PLCG1: variants seen among roughly 807,000 people sequenced by gnomAD.
The protein encoded by PLCG1 is 1-phosphatidylinositol 4,5-bisphosphate phosphodiesterase gamma-1.
PLCG1 carries 71 observed loss-of-function variants against 177.8 expected under a neutral mutation model. That is an observed-to-expected ratio of 0.40 (90% CI 0.33 to 0.49). PLCG1 has a LOEUF of 0.49. Among genes scored for constraint, PLCG1 ranks in the 20% least tolerant of loss-of-function variants. The probability of loss-of-function intolerance (pLI) is 0.72; values close to 1 mark genes in which losing one functional copy is unlikely to be tolerated. For missense variants in PLCG1, 1,281 were observed against 1,709.0 expected (o/e 0.75, Z 4.42); for synonymous variants, 658 against 647.9 (o/e 1.02, Z -0.24).
chr20:41,171,778 G>A (rs1394303235), intron 24 of PLCG1, among the ~76,000 whole-genome samples: 1 of 152,060 alleles, frequency 6.6e-6, no homozygotes, highest in Non-Finnish European at 1.5e-5. Context: ...ACCAAGCCAG[G>A]GGCCTGTATC....
At position 41,167,035 on chromosome 20, in the gene PLCG1, G is replaced by A. The variant is rs1277140968; in HGVS notation, c.2301+176G>A. Among the ~76,000 whole-genome samples the A allele has an allele frequency of 6.6e-6, 1 of 152,198 alleles. No individual in the cohort carries two copies. ...TACCAGGAGGGTGTCTGCAGGAGGG[G>A]ACATCTGAGCAGCATCTTTAAGGAT... On this transcript the variant is annotated intron_variant, in intron 19 of 31. Transcript: ENST00000685551. The surrounding 1 kb of genome is among the most constrained non-coding windows in gnomAD (Gnocchi z 4.4).
In PLCG1 at chr20:41,170,265, C is replaced by T. The variant is rs747002949; in HGVS notation, c.2804C>T (p.Ala935Val). ...KIREVAQTAD[A>V]RLTEGKIMER... Reference sequence around the variant, plus strand: ...CGTGAAGTGGCCCAGACAGCAGACGCCAGGGTGAGATTCTGCTGGAACCTT... The same window carrying T: ...CGTGAAGTGGCCCAGACAGCAGACGTCAGGGTGAGATTCTGCTGGAACCTT... Residue 935 changes from alanine to valine, a missense_variant, in exon 24 of 32, where the codon GCC (alanine) becomes GTC (valine). Around this residue, in one of 4 missense-constraint regions of PLCG1, gnomAD observed 723 missense variants for 1,030.0 expected, o/e 0.70. Coordinates refer to ENST00000685551, the MANE Select transcript of PLCG1 (RefSeq NM_002660.3). 3.7e-6 allele frequency: 6 copies of T among 1,614,070 alleles called. No homozygotes were observed. The South Asian group carries it at 4.4e-5, about 12-fold the overall frequency.
rs912870448 is a variant in PLCG1 at position 41,148,568 on chromosome 20, A to C, written c.217+10710A>C. ...AGTGAGCAGGAACAGGTTATATAGC[A>C]GTGATGCTTTCATAGTATTTTTCTT... On this transcript the variant is annotated intron_variant, in intron 1 of 31. Coordinates refer to ENST00000685551, the MANE Select transcript of PLCG1 (RefSeq NM_002660.3). The surrounding 1 kb of genome is among the most constrained non-coding windows in gnomAD (Gnocchi z 4.3). 1.3e-5 allele frequency among the ~76,000 whole-genome samples: 2 copies of C among 152,142 alleles called. No homozygotes were observed. The highest frequency in any genetic ancestry group is 2.4e-5 in the African/African-American group (1 of 41,426).
At chr20:41,162,235 GTTTTTT>G (rs11426520) in intron 4 of PLCG1, 10 of 143,642 alleles carry the variant, frequency 7.0e-5, no homozygotes, top group South Asian at 2.4e-4. Context: ...TTTTGTTTTT[GTTTTTT>G]TTTTTTTTTT....
At position 41,169,572 on chromosome 20, in the gene PLCG1, ATTC is replaced by A. The variant is rs770101933; in HGVS notation, c.2650+52_2650+54del. ...CTTGCCCACTGTTCCCTAGGGTGAG[ATTC>A]TTCTTTGTATCTCTTTCCTGCTCCT... On this transcript the variant is annotated intron_variant, in intron 23 of 31. Transcript: ENST00000685551. 520 of 1,441,802 alleles carry A rather than the reference ATTC, an allele frequency of 3.6e-4. 1 individual carries two copies. The highest frequency in any genetic ancestry group is 4.9e-4 in the Non-Finnish European group (504 of 1,025,228). 89.3% of individuals were successfully genotyped at this position (1,441,802 alleles called of 1,614,324 possible).
In PLCG1 at chr20:41,165,471, G is replaced by A. The variant is rs2035651432; in HGVS notation, c.1531G>A (p.Val511Ile). Residue 511 changes from valine to isoleucine, a missense_variant, in exon 15 of 32, where the codon GTT becomes ATT. Around this residue, in one of 4 missense-constraint regions of PLCG1, gnomAD observed 723 missense variants for 1,030.0 expected, o/e 0.70. Transcript: ENST00000685551. This position sits in a 1 kb window ranked among gnomAD's most constrained non-coding sequence, Gnocchi z 6.6. ...CCAGGAATGGTATCCCCACTACTTT[G>A]TTCTGACCAGCAGCAAGATCTACTA... ...VNHEWYPHYF[V>I]LTSSKIYYSE... is the part of the protein sequence containing the mutation. 1.2e-6 allele frequency: 2 copies of A among 1,614,086 alleles called. No homozygotes were observed. The highest frequency in any genetic ancestry group is 1.7e-6 in the Non-Finnish European group (2 of 1,179,980).
Position 41,176,969 on chromosome 20 carries a change from G to A in PLCG1, c.*2460G>A, listed in dbSNP as rs886986719. 6.6e-5 allele frequency: 10 copies of A among 152,264 alleles called. No individual in the cohort carries two copies. Among genetic ancestry groups the A allele is most frequent in the African/African-American group, 2.4e-4 (10 of 41,470 alleles). 9.4% of individuals were successfully genotyped at this position (152,264 alleles called of 1,614,324 possible). ...TAACAGCACATTAGCACCACTTGGG[G>A]AGCTTCTGAAAAATACTGGTACCCG... On this transcript the variant is annotated 3_prime_UTR_variant, in exon 32 of 32. Transcript: ENST00000685551.
intron 1 of PLCG1, among the ~76,000 whole-genome samples, chr20:41,152,488 G>T (rs2035196364): frequency 6.6e-6 from 1 of 152,236 alleles, no homozygotes; most frequent in African/African-American, 2.4e-5. Context: ...TGCATTTTCA[G>T]TATTTGTTGT....
rs2036089756 is a variant in PLCG1 at position 41,177,258 on chromosome 20, A to T, written c.*2749A>T. On this transcript the variant is annotated 3_prime_UTR_variant, in exon 32 of 32. Transcript: ENST00000685551. The stretch of plus-strand genomic sequence containing the variant: ...CTTTCACTTTCAACAGCTTTGGCTC[A>T]GCAGACATGTACACATACAAAGTAG... The T allele has an allele frequency of 6.6e-6, 1 of 152,262 alleles. No homozygotes were observed. The highest frequency in any genetic ancestry group is 6.5e-5 in the Admixed American group (1 of 15,292). The allele number at this position is 152,262 out of a possible 1,614,324, so 9.4% of individuals were successfully genotyped here. A position where few individuals can be genotyped will look rare whatever the true frequency, so the allele number is the denominator to read the frequency against.
At position 41,165,023 on chromosome 20, in the gene PLCG1, A is replaced by C. The variant is rs772742309; in HGVS notation, c.1308A>C (p.Thr436=). 1.5e-5 allele frequency: 25 copies of C among 1,613,782 alleles called. No individual in the cohort carries two copies. Among genetic ancestry groups the C allele is most frequent in the Admixed American group, 6.7e-5 (4 of 59,976 alleles). The part of the protein sequence containing the change: ...AQYFKKVLGD[T]LLTKPVEISA... ...ACTTCAAGAAGGTGCTGGGGGACAC[A>C]CTCCTCACCAAGCCCGTGGAGATCT... is the stretch of plus-strand genomic sequence containing the variant. Residue 436 remains threonine (T), a synonymous_variant, in exon 13 of 32, where the codon ACA becomes ACC. Transcript: ENST00000685551. The surrounding 1 kb of genome is among the most constrained non-coding windows in gnomAD (Gnocchi z 6.6).
rs922594145 is a variant in PLCG1, at chr20:41,160,562, C to G, written c.512+409C>G. On this transcript the variant is annotated intron_variant, in intron 4 of 31. Coordinates refer to ENST00000685551, the MANE Select transcript of PLCG1 (RefSeq NM_002660.3). This position sits in a 1 kb window ranked among gnomAD's most constrained non-coding sequence, Gnocchi z 5.5. ...GTGGGTGCTGCACCATGGTGAGGTC[C>G]TTTGACCTGAAAGAAATGGGAAGCC... 1.3e-5 allele frequency among the ~76,000 whole-genome samples: 2 copies of G among 152,132 alleles called. No homozygotes were observed. The highest frequency in any genetic ancestry group is 2.9e-5 in the Non-Finnish European group (2 of 68,038).
rs760763 is a variant in PLCG1 at position 41,164,548 on chromosome 20, G to C, written c.1217+347G>C. Among the ~76,000 whole-genome samples, 1 of 152,128 alleles carries C rather than the reference G, an allele frequency of 6.6e-6. No homozygotes were observed. Among genetic ancestry groups the C allele is most frequent in the Non-Finnish European group, 1.5e-5 (1 of 68,042 alleles). On this transcript the variant is annotated intron_variant, in intron 12 of 31. Transcript: ENST00000685551. The surrounding 1 kb of genome is among the most constrained non-coding windows in gnomAD (Gnocchi z 6.4). ...GCCCAGAAGATTGTCTCTGTTCCCT[G>C]TGTCCCATTCCTTCAATTCTGTTTA...
At position 41,167,530 on chromosome 20, in the gene PLCG1, A is replaced by T; in HGVS notation, c.2302-322A>T. On this transcript the variant is annotated intron_variant, in intron 19 of 31. Coordinates refer to ENST00000685551, the MANE Select transcript of PLCG1 (RefSeq NM_002660.3). This position sits in a 1 kb window ranked among gnomAD's most constrained non-coding sequence, Gnocchi z 4.4. ...TCAGCAGTGAACCAACAAGCCACTG[A>T]ACTAAAGCACTGAATATGGGTAGTC... 1 of 301,856 alleles carries T rather than the reference A, an allele frequency of 3.3e-6. No homozygotes were observed. The highest frequency in any genetic ancestry group is 7.3e-5 in the East Asian group (1 of 13,748). The allele number at this position is 301,856 out of a possible 1,614,324, so 18.7% of individuals were successfully genotyped here.
chr20:41,171,684 G>A (rs942084242), intron 24 of PLCG1, among the ~76,000 whole-genome samples: 5 of 151,918 alleles, frequency 3.3e-5, no homozygotes, highest in African/African-American at 9.7e-5. Flanking sequence ...GATTTGGCAT[G>A]GAGATTTGCC....
rs1428577770 is a variant in PLCG1, at chr20:41,137,991, C to T, written c.217+133C>T. On this transcript the variant is annotated intron_variant, in intron 1 of 31. Coordinates refer to ENST00000685551, the MANE Select transcript of PLCG1 (RefSeq NM_002660.3). This position sits in a 1 kb window ranked among gnomAD's most constrained non-coding sequence, Gnocchi z 7.3. ...CGGGCCCTCCCAGACTCCCTCCGGG[C>T]CCCGCCCCCGCTTCGTCTCGGGTGG... 7 of 542,896 alleles carry T rather than the reference C, an allele frequency of 1.3e-5. No homozygotes were observed. Among genetic ancestry groups the T allele is most frequent in the Non-Finnish European group, 2.0e-5 (7 of 357,746 alleles). 33.6% of individuals were successfully genotyped at this position (542,896 alleles called of 1,614,324 possible). A position where few individuals can be genotyped will look rare whatever the true frequency, so the allele number is the denominator to read the frequency against.
At position 41,166,471 on chromosome 20, in the gene PLCG1, C is replaced by T; in HGVS notation, c.2001-5C>T. Reference sequence around the variant, plus strand: ...CTGGCCGGGCCTGACTCTGCCTGTTCTCAGGTGGTACCACGCGAGCCTGAC... The same window carrying T: ...CTGGCCGGGCCTGACTCTGCCTGTTTTCAGGTGGTACCACGCGAGCCTGAC... On this transcript the variant is annotated splice_region_variant and splice_polypyrimidine_tract_variant and intron_variant, in intron 17 of 31. Coordinates refer to ENST00000685551, the MANE Select transcript of PLCG1 (RefSeq NM_002660.3). The surrounding 1 kb of genome is among the most constrained non-coding windows in gnomAD (Gnocchi z 8.6). 6.2e-7 allele frequency: 1 copy of T among 1,614,020 alleles called. No individual in the cohort carries two copies. The highest frequency in any genetic ancestry group is 8.5e-7 in the Non-Finnish European group (1 of 1,180,020).
In PLCG1 at chr20:41,166,868, G is replaced by A; in HGVS notation, c.2301+9G>A. ...AGAAGATTGGCACAGCTGTGAGGGGGCTGTGGTAGACGGGGCATGGCAGGG... is the reference window on the plus strand; with the variant it reads ...AGAAGATTGGCACAGCTGTGAGGGGACTGTGGTAGACGGGGCATGGCAGGG... On this transcript the variant is annotated intron_variant, in intron 19 of 31. Coordinates refer to ENST00000685551, the MANE Select transcript of PLCG1 (RefSeq NM_002660.3). This position sits in a 1 kb window ranked among gnomAD's most constrained non-coding sequence, Gnocchi z 8.6. 1.2e-6 allele frequency: 2 copies of A among 1,613,144 alleles called. No homozygotes were observed. Among genetic ancestry groups the A allele is most frequent in the Non-Finnish European group, 8.5e-7 (1 of 1,179,208 alleles).
Position 41,157,692 on chromosome 20 carries a change from C to T in PLCG1, c.218-1914C>T, listed in dbSNP as rs34620900. ...GGCCCTTGGTGGAAGAGAAGGGAGCCGGGGAGGTGGACATTTCCAGACTAG... is the reference window on the plus strand; with the variant it reads ...GGCCCTTGGTGGAAGAGAAGGGAGCTGGGGAGGTGGACATTTCCAGACTAG... On this transcript the variant is annotated intron_variant, in intron 1 of 31. Transcript: ENST00000685551. This position sits in a 1 kb window ranked among gnomAD's most constrained non-coding sequence, Gnocchi z 5.4. Among the ~76,000 whole-genome samples the T allele has an allele frequency of 1.6e-3, 239 of 152,184 alleles. No homozygotes were observed. The highest frequency in any genetic ancestry group is 5.5e-3 in the African/African-American group (230 of 41,514).
At position 41,173,331 on chromosome 20, in the gene PLCG1, C is replaced by G; in HGVS notation, c.3280-89C>G. 1.5e-6 allele frequency: 2 copies of G among 1,378,012 alleles called. No homozygotes were observed. The highest frequency in any genetic ancestry group is 9.7e-7 in the Non-Finnish European group (1 of 1,029,640). The allele number at this position is 1,378,012 out of a possible 1,614,324, so 85.4% of individuals were successfully genotyped here. ...GGGCCCAGCAGAGGGCGCGCTGCCT[C>G]CACTCCACAGATGCTGACTGAGCCT... On this transcript the variant is annotated intron_variant, in intron 27 of 31. Transcript: ENST00000685551. This position sits in a 1 kb window ranked among gnomAD's most constrained non-coding sequence, Gnocchi z 6.2.
Sources: allele counts gnomAD v4.1 joint callset (sites outside exome capture counted in the v4.1 genomes callset), GRCh38; gene constraint gnomAD v4.1.1; regional missense constraint gnomAD v4.1.1; non-coding constraint Gnocchi (gnomAD v3.1); transcripts MANE v1.5; gene names NCBI Gene and HGNC (gene_info 2026-07-23, HGNC 2026-07-21).